The following LYPD6 variants were observed in gnomAD, a reference collection of about 807,000 sequenced individuals.
The protein encoded by LYPD6 is LY6/PLAUR domain containing 6, also known as ly6/PLAUR domain-containing protein 6.
In LYPD6, 15 loss-of-function variants were observed where a neutral mutation model predicts 22.7. That is an observed-to-expected ratio of 0.66 (90% CI 0.44 to 1.02). The LOEUF is 1.02. Ranked by LOEUF, LYPD6 falls within the 50% of genes least tolerant of loss-of-function variation. The probability of loss-of-function intolerance (pLI) is 0.00; values close to 1 mark genes in which losing one functional copy is unlikely to be tolerated. For synonymous variants in LYPD6, 72 were observed against 77.5 expected (o/e 0.93, Z 0.37); for missense variants, 189 against 208.4 (o/e 0.91, Z 0.57).
At chr2:149,468,132 AACACACACACACACACACACACAC>A (rs58309346) in intron 3 of LYPD6, among the ~76,000 whole-genome samples, 32 of 114,716 alleles carry the variant, frequency 2.8e-4, no homozygotes, top group Admixed American at 6.8e-4. Flanking sequence ...GCTTCCCCCC[AACACACACACACACACACACACAC>A]ACACACACAC....
intron 2 of LYPD6, among the ~76,000 whole-genome samples, 194 bp downstream of exon 2, chr2:149,438,020 G>C (rs1431819793): frequency 1.3e-5 from 2 of 152,034 alleles, no homozygotes; most frequent in African/African-American, 4.8e-5. Context: ...GTGGTGTTAA[G>C]GCAAATTATT....
At chr2:149,479,822 C>T in the LYPD6 span, among the ~76,000 whole-genome samples, 7 of 152,094 alleles carry the variant, frequency 4.6e-5, no homozygotes, top group African/African-American at 1.7e-4. Context: ...CTTTGAAATG[C>T]AAACCTGATT....
intron 1 of LYPD6, among the ~76,000 whole-genome samples, chr2:149,374,517 C>T (rs980624010): frequency 9.9e-5 from 15 of 152,204 alleles, no homozygotes; most frequent in Admixed American, 7.8e-4. Flanking sequence ...AGTAGGTGCC[C>T]GAGTGATATT....
At chr2:149,396,867 G>C (rs184526869) in intron 1 of LYPD6, among the ~76,000 whole-genome samples, 1 of 152,130 alleles carries the variant, frequency 6.6e-6, no homozygotes, top group Non-Finnish European at 1.5e-5. Flanking sequence ...TTCAGTAGCT[G>C]TGGGACACTG....
At chr2:149,455,008 A>T (rs1573821619) in intron 3 of LYPD6, among the ~76,000 whole-genome samples, 1 of 151,798 alleles carries the variant, frequency 6.6e-6, no homozygotes, top group African/African-American at 2.4e-5. Context: ...CACCTGTGCA[A>T]TTTTTGAATC....
intron 1 of LYPD6, among the ~76,000 whole-genome samples, chr2:149,409,396 T>A (rs1338560472): frequency 6.6e-6 from 1 of 152,062 alleles, no homozygotes; most frequent in Non-Finnish European, 1.5e-5. Flanking sequence ...AGTCAGGAGG[T>A]GGAGCTTTCA....
At chr2:149,428,474 C>T (rs896346735) in intron 1 of LYPD6, among the ~76,000 whole-genome samples, 1 of 152,344 alleles carries the variant, frequency 6.6e-6, no homozygotes, top group Admixed American at 6.5e-5. Context: ...TCTCTTCTTC[C>T]TCCTCCATGA....
At chr2:149,333,295 T>G (rs924576142) in intron 1 of LYPD6, among the ~76,000 whole-genome samples, 14 of 152,238 alleles carry the variant, frequency 9.2e-5, no homozygotes, top group African/African-American at 3.1e-4. Context: ...GCCTATCTGA[T>G]TATTTTTTAA....
chr2:149,345,883 C>T (rs941180084), intron 1 of LYPD6, among the ~76,000 whole-genome samples: 5 of 152,078 alleles, frequency 3.3e-5, no homozygotes, highest in Non-Finnish European at 7.4e-5. Flanking sequence ...CTGTAGCCTC[C>T]TTGAGTTGCC....
chr2:149,445,663 GTC>G (rs1251212844), intron 2 of LYPD6, among the ~76,000 whole-genome samples: 1 of 152,168 alleles, frequency 6.6e-6, no homozygotes, highest in Non-Finnish European at 1.5e-5. Context: ...GCAGCTTCAT[GTC>G]TCTCAGCCTT....
intron 2 of LYPD6, among the ~76,000 whole-genome samples, chr2:149,438,346 T>G (rs1683481760): frequency 6.6e-6 from 1 of 152,228 alleles, no homozygotes; most frequent in African/African-American, 2.4e-5. Context: ...GTTTCTGATT[T>G]GCATGTATCT....
intron 1 of LYPD6, among the ~76,000 whole-genome samples, chr2:149,387,867 A>G (rs1445986865): frequency 1.3e-5 from 2 of 152,230 alleles, no homozygotes; most frequent in Non-Finnish European, 2.9e-5. Flanking sequence ...AGGCTCATCC[A>G]TCAGTCACTC....
the LYPD6 span, among the ~76,000 whole-genome samples, chr2:149,484,473 A>G: frequency 1.2e-4 from 19 of 152,338 alleles, no homozygotes; most frequent in African/African-American, 4.3e-4. Flanking sequence ...AGAGAGGAGA[A>G]AGCTTGGATC....
At chr2:149,457,773 C>G (rs910405618) in intron 3 of LYPD6, among the ~76,000 whole-genome samples, 8 of 152,126 alleles carry the variant, frequency 5.3e-5, no homozygotes, top group Admixed American at 5.2e-4. Context: ...ACAAAAAATT[C>G]TGAACATTAT....
At chr2:149,381,718 A>G (rs905303817) in intron 1 of LYPD6, among the ~76,000 whole-genome samples, 6 of 152,220 alleles carry the variant, frequency 3.9e-5, no homozygotes, top group Admixed American at 2.0e-4. Context: ...ACATTTGTCA[A>G]TGCTTTTCCA....
intron 1 of LYPD6, among the ~76,000 whole-genome samples, chr2:149,348,921 A>G (rs1241219466): frequency 6.6e-6 from 1 of 152,122 alleles, no homozygotes; most frequent in African/African-American, 2.4e-5. Flanking sequence ...ATTTGGAAAG[A>G]GTGGAGGAGA....
intron 3 of LYPD6, among the ~76,000 whole-genome samples, chr2:149,459,362 C>CACTAGCAG (rs1316267187): frequency 1.3e-5 from 2 of 152,088 alleles, no homozygotes; most frequent in African/African-American, 4.8e-5. Context: ...GAGAATTTGT[C>CACTAGCAG]ACTAGCAGAC....
intron 1 of LYPD6, among the ~76,000 whole-genome samples, chr2:149,344,110 C>T (rs929700976): frequency 3.3e-5 from 5 of 152,110 alleles, no homozygotes; most frequent in East Asian, 3.9e-4. Context: ...TGGTGTCTGA[C>T]GTCCTTCTAT....
At chr2:149,349,521 CAA>C (rs1285728418) in intron 1 of LYPD6, among the ~76,000 whole-genome samples, 1 of 152,062 alleles carries the variant, frequency 6.6e-6, no homozygotes, top group East Asian at 1.9e-4. Flanking sequence ...GAAAACACAC[CAA>C]AGTCATGATG....
Sources: gnomAD v4.1 joint callset for allele counts (sites outside exome capture counted in the v4.1 genomes callset) on GRCh38, gnomAD v4.1.1 for gene constraint, MANE v1.5 for transcripts, NCBI Gene and HGNC (gene_info 2026-07-23, HGNC 2026-07-21) for gene names.